Variants in TEX11 observed in about 807,000 individuals in gnomAD.
TEX11 encodes testis expressed 11.
Under a neutral mutation model 84.4 loss-of-function variants are expected in TEX11, and 7 were observed. That is an observed-to-expected ratio of 0.08 (90% CI 0.05 to 0.16). The LOEUF (loss-of-function observed/expected upper bound fraction) is 0.16. Ranked by LOEUF, TEX11 falls within the 10% of genes least tolerant of loss-of-function variation. The pLI is 1.00. For missense variants in TEX11, 551 were observed against 660.5 expected (o/e 0.83, Z 1.82); for synonymous variants, 264 against 222.8 (o/e 1.18, Z -1.64).
At chrX:70,653,168 T>C (rs1276854399) in intron 16 of TEX11, among the ~76,000 whole-genome samples, 1 of 111,637 alleles carries the variant, frequency 9.0e-6, no homozygotes, top group African/African-American at 3.2e-5. Flanking sequence ...AAACCATATC[T>C]ATAAAAGAAA....
At chrX:70,515,694 A>G in the TEX11 span, among the ~76,000 whole-genome samples, 1 of 112,595 alleles carries the variant, frequency 8.9e-6, no homozygotes, top group Admixed American at 9.4e-5. Context: ...AGGAATCACC[A>G]CACTGACTTC....
At chrX:70,894,706 C>T (rs959421634) in intron 2 of TEX11, among the ~76,000 whole-genome samples, 1 of 111,074 alleles carries the variant, frequency 9.0e-6, no homozygotes, top group African/African-American at 3.3e-5. Context: ...GGCTTCATCC[C>T]GGGGATGCAA....
intron 17 of TEX11, among the ~76,000 whole-genome samples, 171 bp downstream of exon 17, chrX:70,651,279 T>C (rs192262574): frequency 1.8e-5 from 2 of 112,159 alleles, no homozygotes; most frequent in Admixed American, 1.9e-4. Context: ...TACTTTTATA[T>C]AACCTTCCAC....
At chrX:70,539,332 C>T (rs1277151515) in intron 28 of TEX11, among the ~76,000 whole-genome samples, 1 of 109,880 alleles carries the variant, frequency 9.1e-6, no homozygotes, top group African/African-American at 3.3e-5. Flanking sequence ...CCGTGCCCGG[C>T]CGGAAGTATA....
chrX:70,862,530 C>T (rs2091575847), intron 4 of TEX11, among the ~76,000 whole-genome samples: 1 of 111,327 alleles, frequency 9.0e-6, no homozygotes, highest in African/African-American at 3.3e-5. Flanking sequence ...TTAATTCATT[C>T]TAAAAAACAC....
At chrX:70,866,508 T>C (rs1268711555) in intron 4 of TEX11, among the ~76,000 whole-genome samples, 1 of 109,805 alleles carries the variant, frequency 9.1e-6, no homozygotes, top group Non-Finnish European at 1.9e-5. Context: ...ACTATTCCAA[T>C]CAATAGAAAA....
chrX:70,679,786 G>C (rs747201851), intron 14 of TEX11, among the ~76,000 whole-genome samples: 1 of 102,825 alleles, frequency 9.7e-6, no homozygotes, highest in Non-Finnish European at 2.0e-5. Flanking sequence ...AGGTGGGGGG[G>C]TCAGCCCCCC....
intron 15 of TEX11, chrX:70,673,171 G>A (rs889057217): frequency 8.9e-6 from 1 of 112,044 alleles, no homozygotes. Context: ...CCAGGCTGGA[G>A]TGAAGTGGCA....
chrX:70,608,618 GT>G (rs1167365772), intron 22 of TEX11, among the ~76,000 whole-genome samples: 1 of 109,248 alleles, frequency 9.2e-6, no homozygotes, highest in East Asian at 2.9e-4. Flanking sequence ...GCGGGTGCCT[GT>G]AGTCCCAGCT....
intron 13 of TEX11, among the ~76,000 whole-genome samples, chrX:70,719,279 G>A (rs2090535135): frequency 8.9e-6 from 1 of 111,756 alleles, no homozygotes. Flanking sequence ...CTGCCACTTT[G>A]GATTTAAGTT....
At chrX:70,858,874 C>A (rs150873836) in intron 5 of TEX11, among the ~76,000 whole-genome samples, 4,087 of 109,854 alleles carry the variant, frequency 0.037, 151 homozygotes, top group East Asian at 0.13. Context: ...CCCATCTCTA[C>A]TAAAAATACA....
At chrX:70,741,298 C>T (rs763716192) in intron 10 of TEX11, among the ~76,000 whole-genome samples, 2 of 111,681 alleles carry the variant, frequency 1.8e-5, no homozygotes, top group African/African-American at 6.5e-5. Context: ...GAACGAATCT[C>T]ACAATGTATG....
intron 3 of TEX11, among the ~76,000 whole-genome samples, chrX:70,878,585 C>T (rs921049441): frequency 9.2e-6 from 1 of 108,852 alleles, no homozygotes; most frequent in African/African-American, 3.3e-5. Flanking sequence ...ACAAACCTGC[C>T]CGTTGTGCAC....
intron 7 of TEX11, among the ~76,000 whole-genome samples, chrX:70,837,069 C>A (rs2091409637): frequency 9.1e-6 from 1 of 110,310 alleles, no homozygotes; most frequent in Non-Finnish European, 1.9e-5. Context: ...GGCATGGCCA[C>A]TCTAGAAAAC....
chrX:70,817,131 AG>A (rs1293071411), intron 8 of TEX11, among the ~76,000 whole-genome samples: 36 of 33,310 alleles, frequency 1.1e-3, no homozygotes, highest in African/African-American at 3.4e-3. Context: ...GAAGATAGAT[AG>A]ATAATAAATA....
intron 9 of TEX11, among the ~76,000 whole-genome samples, chrX:70,776,607 CA>C (rs1213928610): frequency 9.2e-6 from 1 of 108,871 alleles, no homozygotes; most frequent in Non-Finnish European, 1.9e-5. Flanking sequence ...CAGTCATTTG[CA>C]ATAACATGGA....
intron 15 of TEX11, among the ~76,000 whole-genome samples, chrX:70,678,213 G>A (rs984260372): frequency 2.7e-5 from 3 of 109,350 alleles, no homozygotes; most frequent in Non-Finnish European, 5.7e-5. Context: ...ATTTTGTCTT[G>A]TCCTTTGTGG....
intron 25 of TEX11, among the ~76,000 whole-genome samples, chrX:70,560,495 T>C (rs2088353852): frequency 9.0e-6 from 1 of 111,146 alleles, no homozygotes; most frequent in Non-Finnish European, 1.9e-5. Flanking sequence ...TTATCTTTTC[T>C]TGTTGAATTG....
chrX:70,669,315 G>A (rs1276496937), intron 16 of TEX11, among the ~76,000 whole-genome samples: 1 of 111,764 alleles, frequency 8.9e-6, no homozygotes, highest in Admixed American at 9.6e-5. Context: ...ATAAATCATG[G>A]AAGTTATAAA....
Sources: gnomAD v4.1 joint callset for allele counts (sites outside exome capture counted in the v4.1 genomes callset) on GRCh38, gnomAD v4.1.1 for gene constraint, MANE v1.5 for transcripts, NCBI Gene and HGNC (gene_info 2026-07-23, HGNC 2026-07-21) for gene names.